The following MSRA variants were observed in gnomAD, a reference collection of about 807,000 sequenced individuals.
MSRA encodes methionine sulfoxide reductase A, also known as mitochondrial peptide methionine sulfoxide reductase.
Under a neutral mutation model 31.3 loss-of-function variants are expected in MSRA, and 54 were observed. That is an observed-to-expected ratio of 1.73 (90% CI 1.39 to 2.17). The LOEUF is 2.17. Among genes scored for constraint, MSRA ranks in the 30% most tolerant of loss-of-function variants. The pLI is 0.00. For missense variants in MSRA, 507 were observed against 300.9 expected, an observed-to-expected ratio of 1.69 and a Z score of -5.07; for synonymous variants, 169 against 116.5, an observed-to-expected ratio of 1.45 and a Z score of -2.90.
At chr8:10,308,791 G>C (rs557160055) in intron 4 of MSRA, among the ~76,000 whole-genome samples, 3 of 152,276 alleles carry the variant, frequency 2.0e-5, no homozygotes, top group African/African-American at 7.2e-5. Flanking sequence ...CCTGTCCATA[G>C]CTCTTGGTCT....
At chr8:10,359,665 C>A (rs1804724233) in intron 5 of MSRA, among the ~76,000 whole-genome samples, 1 of 152,150 alleles carries the variant, frequency 6.6e-6, no homozygotes, top group African/African-American at 2.4e-5. Flanking sequence ...TTCACTCCTT[C>A]CACTGCTGCC....
At chr8:10,098,451 TATTC>T (rs1799318569) in intron 1 of MSRA, among the ~76,000 whole-genome samples, 2 of 152,216 alleles carry the variant, frequency 1.3e-5, no homozygotes, top group South Asian at 4.1e-4. Flanking sequence ...CTCGCTCATT[TATTC>T]ATTTATTCAA....
chr8:10,094,957 G>A (rs1284218426), intron 1 of MSRA, among the ~76,000 whole-genome samples: 5 of 152,180 alleles, frequency 3.3e-5, no homozygotes, highest in Admixed American at 2.0e-4. Context: ...CTGTACATCT[G>A]TAGTAAAATT....
chr8:10,352,731 G>A (rs754779132), intron 5 of MSRA, among the ~76,000 whole-genome samples: 1 of 152,122 alleles, frequency 6.6e-6, no homozygotes, highest in Non-Finnish European at 1.5e-5. Flanking sequence ...TCATTAACTC[G>A]AGGCCATCTG....
intron 2 of MSRA, among the ~76,000 whole-genome samples, chr8:10,219,110 T>A (rs1207310555): frequency 6.6e-6 from 1 of 152,166 alleles, no homozygotes; most frequent in African/African-American, 2.4e-5. Flanking sequence ...TGCTTCTAGA[T>A]GTGCAATGCC....
intron 5 of MSRA, among the ~76,000 whole-genome samples, chr8:10,417,885 GA>G (rs1365685213): frequency 6.6e-6 from 1 of 151,910 alleles, no homozygotes; most frequent in Non-Finnish European, 1.5e-5. Flanking sequence ...GGGAAGGTAG[GA>G]ACCAAGTGAA....
intron 5 of MSRA, among the ~76,000 whole-genome samples, chr8:10,417,429 C>CACACACACACACAA (rs1554557418): frequency 2.0e-5 from 3 of 150,646 alleles, no homozygotes; most frequent in Admixed American, 6.6e-5. Context: ...GACACACACA[C>CACACACACACACAA]ACACACACAC....
intron 1 of MSRA, among the ~76,000 whole-genome samples, chr8:10,205,290 G>C: frequency 6.6e-6 from 1 of 151,996 alleles, no homozygotes; most frequent in African/African-American, 2.4e-5. Context: ...GGGAGGCTTC[G>C]GTAATGAAAA....
chr8:10,292,759 A>T (rs1229779528), intron 3 of MSRA, among the ~76,000 whole-genome samples: 1 of 152,128 alleles, frequency 6.6e-6, no homozygotes, highest in Non-Finnish European at 1.5e-5. Context: ...AGCCTGGGAC[A>T]CTGTGGACTG....
chr8:10,255,067 G>A (rs182913686), intron 3 of MSRA, among the ~76,000 whole-genome samples: 54 of 152,340 alleles, frequency 3.5e-4, no homozygotes, highest in African/African-American at 1.3e-3. Context: ...GATTGGGAGA[G>A]GGGGCTTCCC....
chr8:10,248,389 C>T (rs1048799465), intron 3 of MSRA, among the ~76,000 whole-genome samples: 1 of 152,074 alleles, frequency 6.6e-6, no homozygotes, highest in African/African-American at 2.4e-5. Flanking sequence ...TAACAGAATC[C>T]ACAGGGCCAG....
chr8:10,115,159 T>G (rs958887538), intron 1 of MSRA, among the ~76,000 whole-genome samples: 20 of 152,244 alleles, frequency 1.3e-4, no homozygotes, highest in African/African-American at 4.8e-4. Context: ...GCAACTGGCT[T>G]ACTATGTCAA....
chr8:10,131,077 A>G (rs1159673240), intron 1 of MSRA, among the ~76,000 whole-genome samples: 1 of 152,112 alleles, frequency 6.6e-6, no homozygotes, highest in Non-Finnish European at 1.5e-5. Context: ...ATTCTTGCCT[A>G]TTGCTTTGTT....
intron 3 of MSRA, among the ~76,000 whole-genome samples, chr8:10,290,195 C>G (rs927259585): frequency 6.6e-6 from 1 of 152,150 alleles, no homozygotes; most frequent in South Asian, 2.1e-4. Flanking sequence ...TAAAAGCCAT[C>G]GTGGAGGAGT....
intron 2 of MSRA, among the ~76,000 whole-genome samples, chr8:10,213,183 C>G (rs1016650429): frequency 3.9e-5 from 6 of 152,120 alleles, no homozygotes; most frequent in African/African-American, 1.4e-4. Context: ...CCACCTTCTC[C>G]TGTACCCCTA....
At chr8:10,306,732 A>G (rs1459162469) in intron 4 of MSRA, among the ~76,000 whole-genome samples, 1 of 152,074 alleles carries the variant, frequency 6.6e-6, no homozygotes, top group African/African-American at 2.4e-5. Context: ...CACAATTCAG[A>G]CCTCCTAGTC....
chr8:10,335,382 C>A (rs534376765), intron 5 of MSRA, among the ~76,000 whole-genome samples: 29 of 151,142 alleles, frequency 1.9e-4, no homozygotes, highest in African/African-American at 4.1e-4. Flanking sequence ...CTTGGCCATG[C>A]CCCGTGGCTC....
intron 1 of MSRA, among the ~76,000 whole-genome samples, chr8:10,188,491 G>A (rs1312526398): frequency 6.6e-6 from 1 of 152,204 alleles, no homozygotes; most frequent in South Asian, 2.1e-4. Context: ...TACGGATTTC[G>A]AGTGAATGAA....
chr8:10,404,662 C>T (rs865815507), intron 5 of MSRA, among the ~76,000 whole-genome samples: 2 of 152,256 alleles, frequency 1.3e-5, no homozygotes, highest in East Asian at 1.9e-4. Flanking sequence ...CGCCCTCCCT[C>T]GCACACACTG....
Sources: allele counts gnomAD v4.1 joint callset (sites outside exome capture counted in the v4.1 genomes callset), GRCh38; gene constraint gnomAD v4.1.1; transcripts MANE v1.5; gene names NCBI Gene and HGNC (gene_info 2026-07-23, HGNC 2026-07-21).